NPAS1: variants seen among roughly 807,000 people sequenced by gnomAD.
NPAS1 encodes neuronal PAS domain protein 1.
Under a neutral mutation model 49.2 loss-of-function variants are expected in NPAS1, and 29 were observed. The ratio of observed to expected loss-of-function variants is 0.59; its 90% CI spans 0.44 to 0.80. NPAS1 has a LOEUF of 0.80. Among genes scored for constraint, NPAS1 ranks in the 30% least tolerant of loss-of-function variants. The pLI is 0.00. For synonymous variants in NPAS1, 408 were observed against 380.4 expected (o/e 1.07, Z -0.84); for missense variants, 825 against 835.5 (o/e 0.99, Z 0.15).
In NPAS1 at chr19:47,039,570, G is replaced by A. The variant is rs543980178; in HGVS notation, c.962+6G>A. 4.2e-5 allele frequency: 65 copies of A among 1,553,598 alleles called. No homozygotes were observed. The highest frequency in any genetic ancestry group is 8.5e-5 in the South Asian group (7 of 82,430). ...ATCCTTGCTTGTGAGAGCAGGTACC[G>A]GGGTTGGGGGCTGTGGCGGGTGGAT... On this transcript the variant is annotated splice_donor_region_variant and intron_variant, in intron 8 of 11. Transcript: ENST00000602212.
Position 47,020,006 on chromosome 19 carries a change from A to C in NPAS1, c.-43+9A>C. The C allele has an allele frequency of 5.0e-5, 17 of 339,608 alleles. No individual in the cohort carries two copies. Among genetic ancestry groups the C allele is most frequent in the East Asian group, 8.9e-5 (2 of 22,512 alleles). 21.0% of individuals were successfully genotyped at this position (339,608 alleles called of 1,614,324 possible). A position where few individuals can be genotyped will look rare whatever the true frequency, so the allele number is the denominator to read the frequency against. Reference sequence around the variant, plus strand: ...GACTGGCGGTCCTGCGGGTAGGGGAAGCTTGCGGGCTGGCAGGAGGGGGAC... The same window carrying C: ...GACTGGCGGTCCTGCGGGTAGGGGACGCTTGCGGGCTGGCAGGAGGGGGAC... On this transcript the variant is annotated intron_variant, in intron 1 of 11. Coordinates refer to ENST00000602212, the MANE Select transcript of NPAS1 (RefSeq NM_002517.4).
intron 3 of NPAS1, among the ~76,000 whole-genome samples, chr19:47,026,111 G>C (rs1243073609): frequency 1.3e-5 from 2 of 152,018 alleles, no homozygotes; most frequent in Non-Finnish European, 2.9e-5. Flanking sequence ...GCTAATTTTT[G>C]TATTTTTAGT....
Position 47,043,296 on chromosome 19 carries a change from A to AAAAAAAAC in NPAS1, c.1312+393_1312+394insAAAAAACA, listed in dbSNP as rs1339240508. Among the ~76,000 whole-genome samples the AAAAAAAAC allele has an allele frequency of 8.2e-5, 12 of 146,516 alleles. No homozygotes were observed. In the East Asian group the frequency reaches 2.2e-3, roughly 26 times the overall value. Reference sequence around the variant, plus strand: ...TCTGTCTCAAAAAAAAAAAAAAAAAAATTTAAATCCAGGCCAGGAGTGGTG... The same window carrying AAAAAAAAC: ...TCTGTCTCAAAAAAAAAAAAAAAAAAAAAAAAACATTTAAATCCAGGCCAGGAGTGGTG... On this transcript the variant is annotated intron_variant, in intron 11 of 11. Transcript: ENST00000602212.
In NPAS1 at chr19:47,045,051, AC is replaced by A. The variant is rs1568512641; in HGVS notation, c.1313-139del. 5.2e-4 allele frequency: 451 copies of A among 862,610 alleles called. 3 individuals carry two copies. In the African/African-American group the frequency reaches 8.1e-3, roughly 16 times the overall value. The allele number at this position is 862,610 out of a possible 1,614,324, so 53.4% of individuals were successfully genotyped here. A position where few individuals can be genotyped will look rare whatever the true frequency, so the allele number is the denominator to read the frequency against. On this transcript the variant is annotated intron_variant, in intron 11 of 11. Coordinates refer to ENST00000602212, the MANE Select transcript of NPAS1 (RefSeq NM_002517.4). ...TCTCACAAAAAAACAAAAAACAAAAACAAAACAAACAAACAAAAAAAAAAAC... is the reference window on the plus strand; with the variant it reads ...TCTCACAAAAAAACAAAAAACAAAAAAAAACAAACAAACAAAAAAAAAAAC...
intron 11 of NPAS1, among the ~76,000 whole-genome samples, chr19:47,044,963 G>C (rs2057058803): frequency 6.6e-6 from 1 of 152,172 alleles, no homozygotes; most frequent in African/African-American, 2.4e-5. Context: ...CCCAGAGGCG[G>C]AGGTTGCAGT....
intron 3 of NPAS1, among the ~76,000 whole-genome samples, chr19:47,023,312 C>T (rs992305616): frequency 2.0e-5 from 3 of 152,184 alleles, no homozygotes; most frequent in South Asian, 2.1e-4. Flanking sequence ...CGTCCAGCCC[C>T]CCATTACCTG....
rs142357211 is a variant in NPAS1, at chr19:47,045,339, G to A, written c.1461G>A (p.Pro487=). 5.4e-4 allele frequency: 875 copies of A among 1,613,860 alleles called. 5 individuals carry two copies. Among genetic ancestry groups the A allele is most frequent in the South Asian group, 7.1e-4 (65 of 91,086 alleles). The change falls in exon 12 of 12, where the codon CCG becomes CCA. Residue 487 remains proline, a synonymous_variant. Coordinates refer to ENST00000602212, the MANE Select transcript of NPAS1 (RefSeq NM_002517.4). Reference sequence around the variant, plus strand: ...GCGACGAGGATCCCTCCAGCCACCCGGCCACACCGAGGCCCGAGTTCACCT... The same window carrying A: ...GCGACGAGGATCCCTCCAGCCACCCAGCCACACCGAGGCCCGAGTTCACCT... ...DSGDEDPSSH[P]ATPRPEFTSV...
chr19:47,032,417 G>A (rs1338362411), intron 4 of NPAS1, 66 bp downstream of exon 4: 73 of 1,527,082 alleles, frequency 4.8e-5, no homozygotes, highest in Non-Finnish European at 6.1e-5. Context: ...CTGGAGAACA[G>A]CAGCCTCTTC....
At chr19:47,020,811 C>A in intron 1 of NPAS1, 195 bp from the exon 2 acceptor site, 1 of 360,200 alleles carries the variant, frequency 2.8e-6, no homozygotes, top group Non-Finnish European at 5.0e-6. Context: ...CGGCGGGGCA[C>A]GTCCTCACCC....
chr19:47,021,189 C>G lies in NPAS1; in HGVS notation c.122+20C>G, dbSNP rs201703688. Reference sequence around the variant, plus strand: ...ACCGTGGTGAGCAAAGCCCCGCCCCCCTGGCCGCGGGCCCCCCCCCGGGTC... The same window carrying G: ...ACCGTGGTGAGCAAAGCCCCGCCCCGCTGGCCGCGGGCCCCCCCCCGGGTC... On this transcript the variant is annotated intron_variant, in intron 2 of 11. Transcript: ENST00000602212. This position sits in a 1 kb window ranked among gnomAD's most constrained non-coding sequence, Gnocchi z 5.7. 2.5e-5 allele frequency: 38 copies of G among 1,514,172 alleles called. No homozygotes were observed. In the Admixed American group the frequency reaches 2.9e-4, roughly 11 times the overall value. The allele number at this position is 1,514,172 out of a possible 1,614,324, so 93.8% of individuals were successfully genotyped here. A position where few individuals can be genotyped will look rare whatever the true frequency, so the allele number is the denominator to read the frequency against.
At chr19:47,043,016 T>C (rs2122556756) in intron 11 of NPAS1, 112 bp downstream of exon 11, 1 of 830,440 alleles carries the variant, frequency 1.2e-6, no homozygotes, top group East Asian at 3.3e-5. Flanking sequence ...ACAATTAAAA[T>C]TAAAATCCAG....
intron 3 of NPAS1, among the ~76,000 whole-genome samples, chr19:47,031,878 T>C (rs2056908201): frequency 6.6e-6 from 1 of 152,130 alleles, no homozygotes; most frequent in Admixed American, 6.6e-5. Context: ...GCAGAGATGT[T>C]AGTTTCTTGC....
chr19:47,037,838 C>T lies in NPAS1; in HGVS notation c.689-1198C>T, dbSNP rs189567166. 1.4e-4 allele frequency among the ~76,000 whole-genome samples: 22 copies of T among 152,232 alleles called. 1 individual carries two copies. The highest frequency in any genetic ancestry group is 3.6e-4 in the African/African-American group (15 of 41,538). On this transcript the variant is annotated intron_variant, in intron 6 of 11. Transcript: ENST00000602212. ...CTGTGTGTGAGCATATTTTTAAGAC[C>T]GTTTTGTAGGGGTTACAGAAGGATC...
At chr19:47,035,742 G>A (rs914519850) in intron 5 of NPAS1, 5 of 524,728 alleles carry the variant, frequency 9.5e-6, no homozygotes, top group African/African-American at 7.8e-5. Context: ...AGTGGGCGGG[G>A]AAAAATCCTT....
intron 3 of NPAS1, among the ~76,000 whole-genome samples, chr19:47,026,687 G>C (rs1321898046): frequency 6.6e-6 from 1 of 152,140 alleles, no homozygotes; most frequent in African/African-American, 2.4e-5. Context: ...CGGGGCGGTG[G>C]CTCACACCTG....
At chr19:47,029,933 C>T (rs2056895267) in intron 3 of NPAS1, among the ~76,000 whole-genome samples, 1 of 152,216 alleles carries the variant, frequency 6.6e-6, no homozygotes, top group Non-Finnish European at 1.5e-5. Flanking sequence ...TACAATTTTA[C>T]ATTCCCACCA....
chr19:47,032,313 G>A lies in NPAS1; in HGVS notation c.394G>A (p.Glu132Lys), dbSNP rs572411712. 18 of 1,614,016 alleles carry A rather than the reference G, an allele frequency of 1.1e-5. No homozygotes were observed. The highest frequency in any genetic ancestry group is 2.2e-5 in the South Asian group (2 of 91,082). ...GRRGPAALVS[E>K]VFEQHLGGHI... is the part of the protein sequence containing the mutation. ...CCGCGGCCCCGCAGCGCTGGTCTCC[G>A]AAGTCTTCGAGCAGCACCTGGGAGG... is the stretch of plus-strand genomic sequence containing the variant. The change falls in exon 4 of 12, where the codon GAA (glutamate) becomes AAA (lysine). Residue 132 changes from glutamate (E) to lysine (K), a missense_variant. Glu to Lys is a moderately conservative substitution (Grantham distance 56). Transcript: ENST00000602212.
At chr19:47,032,798 C>A in intron 5 of NPAS1, 66 bp downstream of exon 5, 1 of 1,138,400 alleles carries the variant, frequency 8.8e-7, no homozygotes, top group Non-Finnish European at 1.3e-6. Flanking sequence ...CTATGCATAT[C>A]CTTCCTCTCT....
chr19:47,023,039 T>A (rs1287894461), intron 3 of NPAS1, among the ~76,000 whole-genome samples: 1 of 152,010 alleles, frequency 6.6e-6, no homozygotes, highest in Non-Finnish European at 1.5e-5. Flanking sequence ...GGGCTCCAAT[T>A]CCCCTCCTGC....
Sources: allele counts gnomAD v4.1 joint callset (sites outside exome capture counted in the v4.1 genomes callset), GRCh38; gene constraint gnomAD v4.1.1; non-coding constraint Gnocchi (gnomAD v3.1); transcripts MANE v1.5; gene names NCBI Gene and HGNC (gene_info 2026-07-23, HGNC 2026-07-21).